The following MIB1 variants were observed in gnomAD, a reference collection of about 807,000 sequenced individuals.
The protein encoded by MIB1 is MIB E3 ubiquitin protein ligase 1, also known as E3 ubiquitin-protein ligase MIB1.
A neutral mutation model predicts 124.5 loss-of-function variants in MIB1; 278 were observed. The observed-to-expected ratio is 2.23, with a 90% CI of 2.02 to 2.47. The LOEUF (loss-of-function observed/expected upper bound fraction) is 2.47, where lower values mean the gene tolerates loss of function less well. MIB1 is among the 30% of genes most tolerant of loss of function. The probability of loss-of-function intolerance (pLI) is 0.00; values close to 1 mark genes in which losing one functional copy is unlikely to be tolerated. For synonymous variants in MIB1, 446 were observed against 429.4 expected (o/e 1.04, Z -0.48); for missense variants, 957 against 1,254.4 (o/e 0.76, Z 3.58).
chr18:21,814,904 A>C (rs1402331392), intron 10 of MIB1, among the ~76,000 whole-genome samples: 1 of 149,508 alleles, frequency 6.7e-6, no homozygotes, highest in Non-Finnish European at 1.5e-5. Flanking sequence ...AACAACAACA[A>C]CAACAACAAC....
intron 6 of MIB1, among the ~76,000 whole-genome samples, chr18:21,785,201 C>T (rs1039356863): frequency 3.3e-5 from 5 of 151,966 alleles, no homozygotes; most frequent in South Asian, 2.1e-4. Flanking sequence ...TCATTGGAGA[C>T]GACTCACACT....
chr18:21,855,626 G>A (rs947063536), intron 18 of MIB1, among the ~76,000 whole-genome samples: 2 of 152,154 alleles, frequency 1.3e-5, no homozygotes, highest in African/African-American at 2.4e-5. Flanking sequence ...TTAGGCTTTG[G>A]CAAGAGGTCA....
At chr18:21,853,845 T>G (rs1187994066) in intron 18 of MIB1, among the ~76,000 whole-genome samples, 1 of 152,014 alleles carries the variant, frequency 6.6e-6, no homozygotes, top group Non-Finnish European at 1.5e-5. Flanking sequence ...TTCTTCATTT[T>G]GTCAATAAAA....
intron 10 of MIB1, among the ~76,000 whole-genome samples, chr18:21,810,583 CT>C (rs1247606822): frequency 6.6e-6 from 1 of 151,706 alleles, no homozygotes; most frequent in Non-Finnish European, 1.5e-5. Flanking sequence ...AGAAATAAGC[CT>C]TTGCATTAAG....
chr18:21,741,888 G>C lies in MIB1; in HGVS notation c.229+76G>C. ...AGCTGCGGTGGGCGTCGGTGTCGCG[G>C]GGAGAGGTCTGCAGTGGGACACCTG... is the stretch of plus-strand genomic sequence containing the variant. On this transcript the variant is annotated intron_variant, in intron 1 of 20. Coordinates refer to ENST00000261537, the MANE Select transcript of MIB1 (RefSeq NM_020774.4). The surrounding 1 kb of genome is among the most constrained non-coding windows in gnomAD (Gnocchi z 5.4). 1 of 1,345,868 alleles carries C rather than the reference G, an allele frequency of 7.4e-7. No homozygotes were observed. Among genetic ancestry groups the C allele is most frequent in the Admixed American group, 2.3e-5 (1 of 44,244 alleles). The allele number at this position is 1,345,868 out of a possible 1,614,324, so 83.4% of individuals were successfully genotyped here.
upstream of MIB1, among the ~76,000 whole-genome samples, chr18:21,736,884 T>C (rs748345358): frequency 3.9e-5 from 6 of 152,154 alleles, no homozygotes; most frequent in Non-Finnish European, 8.8e-5. Context: ...ACCAAATATA[T>C]GTTTGATTGG....
At chr18:21,705,730 A>G (rs1037838859) in intron 1 of MIB1, among the ~76,000 whole-genome samples, 1 of 152,184 alleles carries the variant, frequency 6.6e-6, no homozygotes, top group African/African-American at 2.4e-5. Flanking sequence ...GAAGTGAGCA[A>G]TTTATTTGGC....
Position 21,857,242 on chromosome 18 carries a change from C to T in MIB1, c.2778C>T (p.Ile926=). 1 of 1,604,866 alleles carries T rather than the reference C, an allele frequency of 6.2e-7. No homozygotes were observed. Among genetic ancestry groups the T allele is most frequent in the Non-Finnish European group, 8.5e-7 (1 of 1,171,670 alleles). The change falls in exon 19 of 21, where the codon ATC becomes ATT. Residue 926 remains isoleucine, a splice_region_variant and synonymous_variant. Coordinates refer to ENST00000261537, the MANE Select transcript of MIB1 (RefSeq NM_020774.4). ...GTTCAGAAGATGCCACTGATGATAT[C>T]TGTAAGTCGATTGTCTTAAGCATTT... is the stretch of plus-strand genomic sequence containing the variant. ...GKSSEDATDD[I]SSGNIPVLQK...
chr18:21,764,846 G>A lies in MIB1; in HGVS notation c.230-926G>A, dbSNP rs367771650. 2.0e-5 allele frequency among the ~76,000 whole-genome samples: 3 copies of A among 152,256 alleles called. No individual in the cohort carries two copies. The East Asian group carries it at 5.8e-4, about 29-fold the overall frequency. On this transcript the variant is annotated intron_variant, in intron 1 of 20. Coordinates refer to ENST00000261537, the MANE Select transcript of MIB1 (RefSeq NM_020774.4). ...GTAAATACAGACGGAGTCAGAACTT[G>A]AATCCAGGAGAGTGTCACTTTTGGA...
intron 1 of MIB1, among the ~76,000 whole-genome samples, chr18:21,757,914 A>G (rs2041053087): frequency 6.6e-6 from 1 of 152,292 alleles, no homozygotes. Context: ...TTATTCTTTA[A>G]ATAAGATCCA....
chr18:21,713,530 T>C (rs2040674999), intron 1 of MIB1, among the ~76,000 whole-genome samples: 1 of 147,692 alleles, frequency 6.8e-6, no homozygotes, highest in African/African-American at 2.5e-5. Context: ...GGAGAATTGC[T>C]TGAACCCAGG....
chr18:21,859,614 C>T (rs537604709), intron 20 of MIB1, among the ~76,000 whole-genome samples: 14 of 151,958 alleles, frequency 9.2e-5, no homozygotes, highest in African/African-American at 3.4e-4. Context: ...AGGGGCCGGG[C>T]GTGGTGGCTC....
At chr18:21,817,204 C>T (rs150832453) in intron 11 of MIB1, among the ~76,000 whole-genome samples, 3,079 of 143,652 alleles carry the variant, frequency 0.021, 59 homozygotes, top group Admixed American at 0.033. Context: ...CTCTGTTGCC[C>T]AGGCTGGAAT....
intron 11 of MIB1, among the ~76,000 whole-genome samples, chr18:21,816,566 G>A (rs2146475783): frequency 6.6e-6 from 1 of 152,280 alleles, no homozygotes; most frequent in South Asian, 2.1e-4. Context: ...AATACTATTT[G>A]AATATGTAAA....
intron 12 of MIB1, among the ~76,000 whole-genome samples, chr18:21,837,499 C>G (rs1436633363): frequency 1.3e-5 from 2 of 152,230 alleles, no homozygotes; most frequent in African/African-American, 4.8e-5. Flanking sequence ...CAGAGCGAGA[C>G]TCCGTCTCAG....
At chr18:21,792,100 C>G (rs974384809) in intron 7 of MIB1, among the ~76,000 whole-genome samples, 10 of 152,170 alleles carry the variant, frequency 6.6e-5, no homozygotes. Context: ...CTGTCTGTAT[C>G]CCTTGCTTCT....
chr18:21,765,557 A>G (rs920909929), intron 1 of MIB1, among the ~76,000 whole-genome samples: 1 of 152,176 alleles, frequency 6.6e-6, no homozygotes, highest in East Asian at 1.9e-4. Context: ...CTTACTAATG[A>G]AAAAGGGAGC....
chr18:21,808,579 G>C (rs2041734378), intron 10 of MIB1, among the ~76,000 whole-genome samples: 1 of 152,134 alleles, frequency 6.6e-6, no homozygotes, highest in South Asian at 2.1e-4. Context: ...CATGTGATAA[G>C]ATTATATTTT....
intron 1 of MIB1, among the ~76,000 whole-genome samples, chr18:21,758,825 G>T (rs977428595): frequency 2.0e-5 from 3 of 152,098 alleles, no homozygotes; most frequent in African/African-American, 7.2e-5. Flanking sequence ...GAGCCACCGC[G>T]CCCAGCTGAC....
Sources: allele counts gnomAD v4.1 joint callset (sites outside exome capture counted in the v4.1 genomes callset), GRCh38; gene constraint gnomAD v4.1.1; non-coding constraint Gnocchi (gnomAD v3.1); transcripts MANE v1.5; gene names NCBI Gene and HGNC (gene_info 2026-07-23, HGNC 2026-07-21).